The following RHEX variants were observed in gnomAD, a reference collection of about 807,000 sequenced individuals.
RHEX encodes regulator of hemoglobinization and erythroid cell expansion, also known as regulator of hemoglobinization and erythroid cell expansion protein.
In RHEX, 18 loss-of-function variants were observed where a neutral mutation model predicts 20.1. The observed-to-expected ratio is 0.90, with a 90% confidence interval of 0.62 to 1.33. RHEX has a LOEUF of 1.33. Among genes scored for constraint, RHEX ranks in the 40% most tolerant of loss-of-function variants. RHEX has a pLI of 0.00. For synonymous variants in RHEX, 87 were observed against 77.1 expected, an observed-to-expected ratio of 1.13 and a Z score of -0.67; for missense variants, 192 against 214.3, an observed-to-expected ratio of 0.90 and a Z score of 0.65.
At chr1:206,064,967 G>A (rs1662395772) in intron 1 of RHEX, among the ~76,000 whole-genome samples, 1 of 152,142 alleles carries the variant, frequency 6.6e-6, no homozygotes, top group South Asian at 2.1e-4. Flanking sequence ...CTGTTGATCT[G>A]TGACCTTACC....
chr1:206,064,143 A>C (rs1479844757), intron 1 of RHEX, among the ~76,000 whole-genome samples: 15 of 103,202 alleles, frequency 1.5e-4, no homozygotes, highest in South Asian at 3.3e-4. Context: ...AAGTGAGGAG[A>C]CCCTCCGCCC....
At chr1:206,055,821 C>T (rs1187865808) in intron 1 of RHEX, among the ~76,000 whole-genome samples, 1 of 152,272 alleles carries the variant, frequency 6.6e-6, no homozygotes, top group Non-Finnish European at 1.5e-5. Flanking sequence ...GAGTTTTAAC[C>T]CAGACTGTAG....
chr1:206,068,005 GA>G (rs1662461925), intron 1 of RHEX, among the ~76,000 whole-genome samples: 2 of 152,174 alleles, frequency 1.3e-5, no homozygotes, highest in South Asian at 4.1e-4. Context: ...CTGGAGTGGG[GA>G]GGAGAAAGTA....
At chr1:206,058,233 C>G (rs1016861299) in intron 1 of RHEX, among the ~76,000 whole-genome samples, 3 of 152,248 alleles carry the variant, frequency 2.0e-5, no homozygotes, top group Non-Finnish European at 4.4e-5. Context: ...TAGGAACCTG[C>G]TTACTGCTCC....
intron 1 of RHEX, among the ~76,000 whole-genome samples, chr1:206,053,693 G>A (rs2102299740): frequency 6.6e-6 from 1 of 152,348 alleles, no homozygotes; most frequent in East Asian, 1.9e-4. Flanking sequence ...CAGCATTAGA[G>A]GTGGGTTGGC....
intron 1 of RHEX, among the ~76,000 whole-genome samples, chr1:206,081,235 A>G (rs1482189448): frequency 6.6e-6 from 1 of 152,034 alleles, no homozygotes; most frequent in Non-Finnish European, 1.5e-5. Context: ...ACCTTAATTC[A>G]CTCATTTATC....
chr1:206,088,078 C>T (rs1221748770), intron 1 of RHEX, among the ~76,000 whole-genome samples: 1 of 152,086 alleles, frequency 6.6e-6, no homozygotes, highest in Non-Finnish European at 1.5e-5. Flanking sequence ...TTTGATCCTA[C>T]CACTGCACTC....
chr1:206,076,827 A>G (rs192825478), intron 1 of RHEX, among the ~76,000 whole-genome samples: 104 of 152,352 alleles, frequency 6.8e-4, no homozygotes, highest in African/African-American at 2.4e-3. Context: ...TCTCCTTATA[A>G]GAATTTTTGA....
intron 1 of RHEX, among the ~76,000 whole-genome samples, chr1:206,066,637 C>T (rs1302594413): frequency 6.6e-6 from 1 of 152,168 alleles, no homozygotes; most frequent in Non-Finnish European, 1.5e-5. Flanking sequence ...GAGTTACAAC[C>T]TACAGGCAGG....
At chr1:206,059,808 C>A (rs1662275363) in intron 1 of RHEX, among the ~76,000 whole-genome samples, 1 of 152,122 alleles carries the variant, frequency 6.6e-6, no homozygotes, top group Non-Finnish European at 1.5e-5. Context: ...TCCCTCGAGG[C>A]AGGAGAAATT....
At chr1:206,063,280 T>A (rs1052173095) in intron 1 of RHEX, among the ~76,000 whole-genome samples, 8 of 152,146 alleles carry the variant, frequency 5.3e-5, no homozygotes, top group Non-Finnish European at 1.5e-5. Context: ...AGCAAAGATG[T>A]GGGGAGAGTC....
intron 1 of RHEX, among the ~76,000 whole-genome samples, chr1:206,095,634 T>G (rs1201309206): frequency 3.3e-5 from 5 of 152,092 alleles, no homozygotes; most frequent in African/African-American, 1.2e-4. Flanking sequence ...CTGACCAACA[T>G]GGAGAAACCC....
At chr1:206,095,554 C>A (rs559405375) in intron 1 of RHEX, among the ~76,000 whole-genome samples, 3 of 152,208 alleles carry the variant, frequency 2.0e-5, no homozygotes, top group South Asian at 2.1e-4. Context: ...CGGTGGCTCA[C>A]GCCTGTAATC....
chr1:206,099,889 C>CA, intron 4 of RHEX, 91 bp downstream of exon 4: 3 of 1,238,754 alleles, frequency 2.4e-6, no homozygotes, highest in Middle Eastern at 2.0e-4. Context: ...CCCATGGGCC[C>CA]AAACCTCTAG....
chr1:206,055,524 G>A (rs982245609), intron 1 of RHEX, among the ~76,000 whole-genome samples: 13 of 152,350 alleles, frequency 8.5e-5, no homozygotes, highest in Non-Finnish European at 1.9e-4. Flanking sequence ...GCCCCTTATG[G>A]GTCTTTCAAC....
intron 1 of RHEX, among the ~76,000 whole-genome samples, chr1:206,092,926 T>C (rs1553287220): frequency 6.6e-6 from 1 of 152,242 alleles, no homozygotes; most frequent in African/African-American, 2.4e-5. Context: ...TCTTTTCGCC[T>C]TACTTCACCC....
intron 1 of RHEX, among the ~76,000 whole-genome samples, chr1:206,096,158 T>C (rs1018051921): frequency 8.5e-5 from 13 of 152,214 alleles, no homozygotes; most frequent in Admixed American, 6.5e-4. Context: ...TAAAACGTGT[T>C]GCTCATTCAT....
At chr1:206,086,132 C>A (rs1385013494) in intron 1 of RHEX, among the ~76,000 whole-genome samples, 1 of 152,180 alleles carries the variant, frequency 6.6e-6, no homozygotes, top group Non-Finnish European at 1.5e-5. Flanking sequence ...GTCATAGGAA[C>A]AGGCATTGTT....
Position 206,093,939 on chromosome 1 carries a change from A to C in RHEX, c.-96-3794A>C, listed in dbSNP as rs1356168591. ...AGTGATTCTTCCACCTCGCTCTCCC[A>C]AAGTGCTGAGATTACAAGCATGAGC... On this transcript the variant is annotated intron_variant, in intron 1 of 5. Coordinates refer to ENST00000331555, the MANE Select transcript of RHEX (RefSeq NM_001007544.4). Among the ~76,000 whole-genome samples the C allele has an allele frequency of 2.0e-5, 3 of 152,140 alleles. No homozygotes were observed. In the East Asian group the frequency reaches 5.8e-4, roughly 29 times the overall value.
Sources: allele counts gnomAD v4.1 joint callset (sites outside exome capture counted in the v4.1 genomes callset), GRCh38; gene constraint gnomAD v4.1.1; transcripts MANE v1.5; gene names NCBI Gene and HGNC (gene_info 2026-07-23, HGNC 2026-07-21).